The following CCDC117 variants were observed in gnomAD, a reference collection of about 807,000 sequenced individuals.
The protein encoded by CCDC117 is coiled-coil domain-containing protein 117.
A neutral mutation model predicts 23.5 loss-of-function variants in CCDC117; 1 was observed. The ratio of observed to expected loss-of-function variants is 0.04; its 90% CI spans 0.02 to 0.20. The LOEUF is 0.20. Ranked by LOEUF, CCDC117 falls within the 10% of genes least tolerant of loss-of-function variation. The pLI, the probability that CCDC117 is intolerant of heterozygous loss-of-function variation, is 1.00. For missense variants in CCDC117, 383 were observed against 348.2 expected (o/e 1.10, Z -0.80); for synonymous variants, 132 against 124.8 (o/e 1.06, Z -0.39).
chr22:28,780,841 CA>C, intron 2 of CCDC117, 106 bp from the exon 3 acceptor site: 1 of 777,008 alleles, frequency 1.3e-6, no homozygotes, highest in East Asian at 2.7e-5. Flanking sequence ...ACACACTTGT[CA>C]AAAAAGCTAG....
chr22:28,775,582 A>G (rs1010427901), intron 2 of CCDC117, among the ~76,000 whole-genome samples: 2 of 152,102 alleles, frequency 1.3e-5, no homozygotes, highest in African/African-American at 4.8e-5. Flanking sequence ...ATGAAAAATT[A>G]TATCTCATAA....
At chr22:28,774,096 C>CT (rs2031087997) in intron 2 of CCDC117, among the ~76,000 whole-genome samples, 1 of 143,558 alleles carries the variant, frequency 7.0e-6, no homozygotes, top group African/African-American at 2.6e-5. Flanking sequence ...GGGACGGAGT[C>CT]TGCCTCTGTC....
chr22:28,772,752 G>T lies in CCDC117; in HGVS notation c.-98G>T. On this transcript the variant is annotated 5_prime_UTR_variant, in exon 1 of 5. Transcript: ENST00000249064. ...TGACGTGGGGTCGAGAGCGGGATCC[G>T]AGGCTGGCGGGTTTTGGCAGTAGCT... 1 of 993,630 alleles carries T rather than the reference G, an allele frequency of 1.0e-6. No individual in the cohort carries two copies. The highest frequency in any genetic ancestry group is 1.3e-6 in the Non-Finnish European group (1 of 778,984). 61.6% of individuals were successfully genotyped at this position (993,630 alleles called of 1,614,324 possible).
intron 4 of CCDC117, among the ~76,000 whole-genome samples, chr22:28,785,027 C>A (rs2031467908): frequency 2.0e-5 from 3 of 152,184 alleles, no homozygotes. Flanking sequence ...TCTTCGGCCT[C>A]CCAAAGTGCT....
Position 28,786,933 on chromosome 22 carries a change from T to C in CCDC117, c.*607T>C, listed in dbSNP as rs1358011091. ...GCTCTCCTCTTTGACTATGAAAATA[T>C]AGAGAAAGTTTTTTCTTTAAGGCTT... On this transcript the variant is annotated 3_prime_UTR_variant, in exon 5 of 5. Coordinates refer to ENST00000249064, the MANE Select transcript of CCDC117 (RefSeq NM_173510.4). The C allele has an allele frequency of 6.6e-6, 1 of 152,668 alleles. No homozygotes were observed. Among genetic ancestry groups the C allele is most frequent in the South Asian group, 2.1e-4 (1 of 4,832 alleles). The allele number at this position is 152,668 out of a possible 1,614,324, so 9.5% of individuals were successfully genotyped here.
intron 2 of CCDC117, 140 bp from the exon 3 acceptor site, chr22:28,780,808 G>A (rs959668685): frequency 2.4e-5 from 15 of 620,308 alleles, no homozygotes; most frequent in Admixed American, 1.2e-4. Context: ...GGAAAAATAC[G>A]CAGTATTTTC....
In CCDC117 at chr22:28,788,413, A is replaced by C. The variant is rs1291692197; in HGVS notation, c.*2087A>C. 2.0e-5 allele frequency: 3 copies of C among 152,490 alleles called. No homozygotes were observed. Among genetic ancestry groups the C allele is most frequent in the Non-Finnish European group, 4.4e-5 (3 of 68,018 alleles). The allele number at this position is 152,490 out of a possible 1,614,324, so 9.4% of individuals were successfully genotyped here. A position where few individuals can be genotyped will look rare whatever the true frequency, so the allele number is the denominator to read the frequency against. ...TGACAGCTTTCCAAAGAAGGACCTA[A>C]AACACACCAAGATTGTCTTCTACAG... On this transcript the variant is annotated 3_prime_UTR_variant, in exon 5 of 5. Transcript: ENST00000249064.
chr22:28,783,618 T>C lies in CCDC117; in HGVS notation c.575T>C (p.Val192Ala). ...KTGLKREFDEVFTKKMIESMS... is the reference protein window; with the variant it reads ...KTGLKREFDEAFTKKMIESMS... ...GGTTTGAAGAGGGAATTTGATGAAG[T>C]TTTTACAAAGAAAATGATTGAGTCT... The change falls in exon 4 of 5, where the codon GTT (valine) becomes GCT (alanine). Residue 192 changes from valine to alanine, a missense_variant. By Grantham distance (64) the Val-to-Ala change is moderately conservative (BLOSUM62 0). Coordinates refer to ENST00000249064, the MANE Select transcript of CCDC117 (RefSeq NM_173510.4). 1 of 1,613,748 alleles carries C rather than the reference T, an allele frequency of 6.2e-7. No homozygotes were observed. Among genetic ancestry groups the C allele is most frequent in the Non-Finnish European group, 8.5e-7 (1 of 1,179,750 alleles).
At chr22:28,773,459 G>T (rs1400083674) in intron 1 of CCDC117, 6 of 510,680 alleles carry the variant, frequency 1.2e-5, no homozygotes, top group Admixed American at 6.3e-5. Context: ...CACAGCGCCT[G>T]CCCCGAGGAC....
chr22:28,784,992 G>A (rs1476043241), intron 4 of CCDC117, among the ~76,000 whole-genome samples: 1 of 151,978 alleles, frequency 6.6e-6, no homozygotes, highest in African/African-American at 2.4e-5. Context: ...GGATGGTCTC[G>A]ATCTCCTGAC....
At chr22:28,783,031 A>G (rs770114128) in intron 3 of CCDC117, among the ~76,000 whole-genome samples, 1 of 150,588 alleles carries the variant, frequency 6.6e-6, no homozygotes, top group Non-Finnish European at 1.5e-5. Context: ...ATGTTGAACA[A>G]CCCTCTGAGT....
intron 2 of CCDC117, among the ~76,000 whole-genome samples, chr22:28,774,785 T>G (rs534038267): frequency 6.6e-6 from 1 of 152,080 alleles, no homozygotes; most frequent in Non-Finnish European, 1.5e-5. Context: ...GTTTTTCTTT[T>G]TCTTTCTTTT....
chr22:28,780,573 C>T (rs1569198542), intron 2 of CCDC117, among the ~76,000 whole-genome samples: 1 of 152,164 alleles, frequency 6.6e-6, no homozygotes, highest in Non-Finnish European at 1.5e-5. Flanking sequence ...GATCTTCCCA[C>T]CTCAGCCATT....
chr22:28,775,255 C>T lies in CCDC117; in HGVS notation c.239+1477C>T, dbSNP rs553405732. Among the ~76,000 whole-genome samples the T allele has an allele frequency of 4.6e-5, 7 of 152,038 alleles. No homozygotes were observed. The East Asian group carries it at 9.7e-4, about 21-fold the overall frequency. ...CAGCCTGGGCAGTAGAGTGAGACTC[C>T]GTCTCAAAAAAACAAAAGAAAGTAG... is the stretch of plus-strand genomic sequence containing the variant. On this transcript the variant is annotated intron_variant, in intron 2 of 4. Coordinates refer to ENST00000249064, the MANE Select transcript of CCDC117 (RefSeq NM_173510.4).
chr22:28,787,781 A>G lies in CCDC117; in HGVS notation c.*1455A>G, dbSNP rs1172638612. On this transcript the variant is annotated 3_prime_UTR_variant, in exon 5 of 5. Coordinates refer to ENST00000249064, the MANE Select transcript of CCDC117 (RefSeq NM_173510.4). ...CTCTATAAGTTATTAAACGAGTGTA[A>G]TGGTATAATGCCCTTCCATCACACA... 6.6e-6 allele frequency: 1 copy of G among 152,292 alleles called. No individual in the cohort carries two copies. The highest frequency in any genetic ancestry group is 1.5e-5 in the Non-Finnish European group (1 of 68,018). The allele number at this position is 152,292 out of a possible 1,614,324, so 9.4% of individuals were successfully genotyped here. A position where few individuals can be genotyped will look rare whatever the true frequency, so the allele number is the denominator to read the frequency against.
At chr22:28,777,465 A>G (rs938288805) in intron 2 of CCDC117, among the ~76,000 whole-genome samples, 6 of 150,244 alleles carry the variant, frequency 4.0e-5, no homozygotes, top group Admixed American at 3.3e-4. Flanking sequence ...TTGTGATTTA[A>G]TTTATATTTG....
At position 28,773,013 on chromosome 22, in the gene CCDC117, C is replaced by G. The variant is rs1273646327; in HGVS notation, c.164C>G (p.Ala55Gly). 29 of 1,172,214 alleles carry G rather than the reference C, an allele frequency of 2.5e-5. No individual in the cohort carries two copies. Among genetic ancestry groups the G allele is most frequent in the Non-Finnish European group, 3.0e-5 (28 of 949,022 alleles). The allele number at this position is 1,172,214 out of a possible 1,614,324, so 72.6% of individuals were successfully genotyped here. A position where few individuals can be genotyped will look rare whatever the true frequency, so the allele number is the denominator to read the frequency against. ...CCTCGCGCAGTCCCTAGCAGTCCCG[C>G]TGGGAGTGCGGCGCGCGGACGGTGA... Reference protein sequence around the residue: ...PGPRAVPSSPAGSAARGRVSV... With the variant: ...PGPRAVPSSPGGSAARGRVSV... The change falls in exon 1 of 5, where the codon GCT becomes GGT. Residue 55 changes from alanine to glycine, a missense_variant. Coordinates refer to ENST00000249064, the MANE Select transcript of CCDC117 (RefSeq NM_173510.4).
intron 2 of CCDC117, among the ~76,000 whole-genome samples, chr22:28,774,372 T>G (rs1319103311): frequency 1.3e-5 from 1 of 75,972 alleles, no homozygotes; most frequent in Non-Finnish European, 2.6e-5. Context: ...CTGAAAAGTC[T>G]TTTTTTTTTT....
chr22:28,785,211 C>T (rs891382711), intron 4 of CCDC117, among the ~76,000 whole-genome samples: 1 of 138,190 alleles, frequency 7.2e-6, no homozygotes, highest in Admixed American at 7.1e-5. Context: ...TGTTTTGAGA[C>T]AGGGTCTCAC....
Sources: allele counts gnomAD v4.1 joint callset (sites outside exome capture counted in the v4.1 genomes callset), GRCh38; gene constraint gnomAD v4.1.1; transcripts MANE v1.5; gene names NCBI Gene and HGNC (gene_info 2026-07-23, HGNC 2026-07-21).